NACC2: variants seen among roughly 807,000 people sequenced by gnomAD.
NACC2 encodes NACC family member 2, also known as nucleus accumbens-associated protein 2.
A neutral mutation model predicts 25.1 loss-of-function variants in NACC2; 8 were observed. The ratio of observed to expected loss-of-function variants is 0.32; its 90% confidence interval spans 0.19 to 0.57. The LOEUF (loss-of-function observed/expected upper bound fraction) is 0.57, where lower values mean the gene tolerates loss of function less well. Among genes scored for constraint, NACC2 ranks in the 20% least tolerant of loss-of-function variants. The pLI, the probability that NACC2 is intolerant of heterozygous loss-of-function variation, is 0.89. For missense variants in NACC2, 644 were observed against 650.2 expected, an observed-to-expected ratio of 0.99 and a Z score of 0.10; for synonymous variants, 435 against 294.7, an observed-to-expected ratio of 1.48 and a Z score of -4.88.
chr9:136,015,170 C>G (rs574942998), intron 3 of NACC2, among the ~76,000 whole-genome samples: 2 of 152,332 alleles, frequency 1.3e-5, no homozygotes, highest in South Asian at 4.1e-4. Context: ...AGCCCCACAC[C>G]CCAAACAGAG....
At chr9:136,094,829 G>A (rs1040462694) in intron 1 of NACC2, among the ~76,000 whole-genome samples, 1 of 151,828 alleles carries the variant, frequency 6.6e-6, no homozygotes, top group African/African-American at 2.4e-5. Flanking sequence ...GGGAGGCCGC[G>A]CGGGTCCCCA....
At chr9:136,065,732 G>A (rs1237818581) in intron 1 of NACC2, among the ~76,000 whole-genome samples, 2 of 151,910 alleles carry the variant, frequency 1.3e-5, no homozygotes, top group African/African-American at 4.8e-5. Flanking sequence ...CTTTAACCTA[G>A]GAGGTTGAGG....
intron 2 of NACC2, among the ~76,000 whole-genome samples, chr9:136,041,220 G>A (rs910166246): frequency 6.6e-5 from 10 of 152,122 alleles, no homozygotes; most frequent in African/African-American, 2.4e-4. Context: ...TCAGGAGTTC[G>A]AGACCAGGCT....
In NACC2 at chr9:136,007,560, CA is replaced by C. The variant is rs1840043043; in HGVS notation, c.*3955del. 1 of 152,226 alleles carries C rather than the reference CA, an allele frequency of 6.6e-6. No homozygotes were observed. Among genetic ancestry groups the C allele is most frequent in the African/African-American group, 2.4e-5 (1 of 41,426 alleles). 9.4% of individuals were successfully genotyped at this position (152,226 alleles called of 1,614,324 possible). ...GCACACACAGACACGCACACACACA[CA>C]GACACGCGCACACGCACACTCTCAC... On this transcript the variant is annotated 3_prime_UTR_variant, in exon 6 of 6. Coordinates refer to ENST00000277554, the MANE Select transcript of NACC2 (RefSeq NM_144653.5).
chr9:136,058,586 G>A (rs544516758), intron 1 of NACC2, among the ~76,000 whole-genome samples: 1 of 152,334 alleles, frequency 6.6e-6, no homozygotes, highest in African/African-American at 2.4e-5. Context: ...ACAACAGGAT[G>A]AGGGAGGGAA....
Position 136,007,555 on chromosome 9 carries a change from A to C in NACC2, c.*3961T>G, listed in dbSNP as rs1443143693. 1 of 32,406 alleles carries C rather than the reference A, an allele frequency of 3.1e-5. No individual in the cohort carries two copies. Among genetic ancestry groups the C allele is most frequent in the African/African-American group, 2.0e-4 (1 of 4,960 alleles). 2.0% of individuals were successfully genotyped at this position (32,406 alleles called of 1,614,324 possible). On this transcript the variant is annotated 3_prime_UTR_variant, in exon 6 of 6. Transcript: ENST00000277554. ...GACGTGCACACACAGACACGCACAC[A>C]CACACAGACACGCGCACACGCACAC...
chr9:136,015,255 C>T (rs1009173125), intron 3 of NACC2, among the ~76,000 whole-genome samples: 3 of 152,240 alleles, frequency 2.0e-5, no homozygotes, highest in African/African-American at 7.2e-5. Flanking sequence ...CCAGGGCCCG[C>T]GTGGGCACCT....
At position 136,020,625 on chromosome 9, in the gene NACC2, A is replaced by C. The variant is rs976270261; in HGVS notation, c.887-4196T>G. Among the ~76,000 whole-genome samples the C allele has an allele frequency of 4.6e-5, 7 of 152,248 alleles. No homozygotes were observed. The highest frequency in any genetic ancestry group is 1.0e-4 in the Non-Finnish European group (7 of 68,036). On this transcript the variant is annotated intron_variant, in intron 2 of 5. Coordinates refer to ENST00000277554, the MANE Select transcript of NACC2 (RefSeq NM_144653.5). This position sits in a 1 kb window ranked among gnomAD's most constrained non-coding sequence, Gnocchi z 4.7. ...ATGCACCACAAGAAAATGAGCCCCT[A>C]GTCCTTGATGATACAGAAATATACA... is the stretch of plus-strand genomic sequence containing the variant.
chr9:136,031,924 C>G (rs987904409), intron 2 of NACC2, among the ~76,000 whole-genome samples: 1 of 143,858 alleles, frequency 7.0e-6, no homozygotes, highest in African/African-American at 3.0e-5. Context: ...ACACCCACAG[C>G]TGATGTGTAT....
rs756007174 is a variant in NACC2, at chr9:136,028,376, C to CTTT, written c.887-11950_887-11948dup. Among the ~76,000 whole-genome samples the CTTT allele has an allele frequency of 4.3e-3, 579 of 133,150 alleles. 8 individuals carry two copies. The highest frequency in any genetic ancestry group is 5.0e-3 in the Non-Finnish European group (316 of 63,204). The allele number at this position is 133,150 out of a possible 152,430, so 87.4% of individuals were successfully genotyped here. A position where few individuals can be genotyped will look rare whatever the true frequency, so the allele number is the denominator to read the frequency against. Reference sequence around the variant, plus strand: ...ACTTGTCCTTCTTTGCCTTTGCTTCCTTTTTTTTTTTTTTTTTTGAGACAG... The same window carrying CTTT: ...ACTTGTCCTTCTTTGCCTTTGCTTCCTTTTTTTTTTTTTTTTTTTTTGAGACAG... On this transcript the variant is annotated intron_variant, in intron 2 of 5. Coordinates refer to ENST00000277554, the MANE Select transcript of NACC2 (RefSeq NM_144653.5).
chr9:136,069,387 A>T (rs10119505), intron 1 of NACC2, among the ~76,000 whole-genome samples: 52,473 of 150,692 alleles, frequency 0.35, 10,195 homozygotes, highest in Middle Eastern at 0.49. Flanking sequence ...CTTCTCTACT[A>T]AAAATACAAA....
intron 1 of NACC2, among the ~76,000 whole-genome samples, chr9:136,085,179 C>T (rs1347169653): frequency 1.4e-4 from 13 of 90,470 alleles, no homozygotes; most frequent in East Asian, 3.8e-4. Flanking sequence ...GACTGAGTTT[C>T]GCTCTTGTCG....
At chr9:136,024,155 A>T (rs1243374351) in intron 2 of NACC2, among the ~76,000 whole-genome samples, 7 of 123,550 alleles carry the variant, frequency 5.7e-5, no homozygotes, top group African/African-American at 1.3e-4. Flanking sequence ...GTGGGGACAG[A>T]GTGTGTGTGT....
At chr9:136,024,932 C>T (rs531949797) in intron 2 of NACC2, among the ~76,000 whole-genome samples, 3 of 152,314 alleles carry the variant, frequency 2.0e-5, no homozygotes, top group Non-Finnish European at 2.9e-5. Flanking sequence ...TCCTGAGAGC[C>T]GGCCTCAGGG....
At chr9:136,048,042 TGACCCGTCGGC>T (rs1840755590) in intron 2 of NACC2, among the ~76,000 whole-genome samples, 1 of 152,224 alleles carries the variant, frequency 6.6e-6, no homozygotes, top group African/African-American at 2.4e-5. Flanking sequence ...TGCAGCTCCC[TGACCCGTCGGC>T]AACCCGTCGG....
At position 136,024,425 on chromosome 9, in the gene NACC2, CAG is replaced by C. The variant is rs1166302402; in HGVS notation, c.887-7998_887-7997del. 2.1e-4 allele frequency among the ~76,000 whole-genome samples: 19 copies of C among 92,344 alleles called. 1 individual carries two copies. Among genetic ancestry groups the C allele is most frequent in the Admixed American group, 9.7e-4 (8 of 8,238 alleles). The allele number at this position is 92,344 out of a possible 152,430, so 60.6% of individuals were successfully genotyped here. A position where few individuals can be genotyped will look rare whatever the true frequency, so the allele number is the denominator to read the frequency against. The stretch of plus-strand genomic sequence containing the variant: ...AGGACAGAGTGTGTGTGTGTGAGGA[CAG>C]AGTGTGTGTGTGTGAGGACAGAGGG... On this transcript the variant is annotated intron_variant, in intron 2 of 5. Transcript: ENST00000277554.
chr9:136,013,501 T>A lies in NACC2; in HGVS notation c.1158-205A>T, dbSNP rs1489018304. ...CGTCTGGGCTGAGAAGATGACCGGG[T>A]GATGGGGCTGCAAGGTGACCTGAGC... On this transcript the variant is annotated intron_variant, in intron 4 of 5. Coordinates refer to ENST00000277554, the MANE Select transcript of NACC2 (RefSeq NM_144653.5). This position sits in a 1 kb window ranked among gnomAD's most constrained non-coding sequence, Gnocchi z 6.6. Among the ~76,000 whole-genome samples the A allele has an allele frequency of 6.6e-6, 1 of 152,046 alleles. No individual in the cohort carries two copies. Among genetic ancestry groups the A allele is most frequent in the South Asian group, 2.1e-4 (1 of 4,820 alleles).
intron 2 of NACC2, among the ~76,000 whole-genome samples, chr9:136,031,724 G>C (rs988239806): frequency 1.3e-5 from 2 of 152,200 alleles, no homozygotes; most frequent in Admixed American, 6.5e-5. Flanking sequence ...TCTCTCTTGT[G>C]AACATGGTGA....
chr9:136,036,635 G>T (rs897639569), intron 2 of NACC2, among the ~76,000 whole-genome samples: 3 of 151,966 alleles, frequency 2.0e-5, no homozygotes, highest in Non-Finnish European at 2.9e-5. Flanking sequence ...GGAATGAGGG[G>T]AGAAATGGAA....
Sources: gnomAD v4.1 joint callset for allele counts (sites outside exome capture counted in the v4.1 genomes callset) on GRCh38, gnomAD v4.1.1 for gene constraint, Gnocchi (gnomAD v3.1) non-coding constraint, MANE v1.5 for transcripts, NCBI Gene and HGNC (gene_info 2026-07-23, HGNC 2026-07-21) for gene names.